Variants in CASP9 observed in about 807,000 individuals in gnomAD.
CASP9 encodes caspase-9.
A neutral mutation model predicts 43.5 loss-of-function variants in CASP9; 29 were observed. The observed-to-expected ratio is 0.67, with a 90% confidence interval of 0.50 to 0.91. The LOEUF is 0.91. CASP9 is among the 40% of genes least tolerant of loss of function. The pLI, the probability that CASP9 is intolerant of heterozygous loss-of-function variation, is 0.00. For synonymous variants in CASP9, 206 were observed against 211.9 expected (o/e 0.97, Z 0.24); for missense variants, 575 against 537.4 (o/e 1.07, Z -0.69).
chr1:15,493,388 G>C, intron 8 of CASP9: 1 of 1,230,334 alleles, frequency 8.1e-7, no homozygotes, highest in South Asian at 2.5e-5. Context: ...ACCCTCAGAG[G>C]AAGCAACTGC....
chr1:15,502,099 C>G (rs4646070), intron 6 of CASP9, among the ~76,000 whole-genome samples: 7,091 of 152,254 alleles, frequency 0.047, 290 homozygotes, highest in African/African-American at 0.11. Context: ...GAGACGCAAC[C>G]AGACTGTGGG....
At chr1:15,494,571 A>G (rs1224569538) in intron 7 of CASP9, among the ~76,000 whole-genome samples, 1 of 151,406 alleles carries the variant, frequency 6.6e-6, no homozygotes, top group Non-Finnish European at 1.5e-5. Flanking sequence ...TCTCAAAAAA[A>G]AAAAAAAAAA....
At chr1:15,517,383 T>C (rs993190676) in intron 2 of CASP9, among the ~76,000 whole-genome samples, 3 of 152,088 alleles carry the variant, frequency 2.0e-5, no homozygotes, top group African/African-American at 7.2e-5. Context: ...AAGGGATCTC[T>C]GGCGATAGAG....
intron 6 of CASP9, among the ~76,000 whole-genome samples, chr1:15,499,825 A>G (rs1709252835): frequency 6.6e-6 from 1 of 152,246 alleles, no homozygotes. Context: ...AGATGCAAAA[A>G]TGAGATGGCT....
chr1:15,505,938 T>C (rs969733406), intron 5 of CASP9, 52 bp downstream of exon 5: 16 of 1,425,332 alleles, frequency 1.1e-5, no homozygotes, highest in Admixed American at 3.3e-5. Flanking sequence ...CACAGCCTCT[T>C]GGCACGGCCA....
Position 15,492,824 on chromosome 1 carries a change from A to G in CASP9, c.*119T>C. 1 of 1,381,664 alleles carries G rather than the reference A, an allele frequency of 7.2e-7. No homozygotes were observed. Among genetic ancestry groups the G allele is most frequent in the Non-Finnish European group, 9.8e-7 (1 of 1,017,614 alleles). The allele number at this position is 1,381,664 out of a possible 1,614,324, so 85.6% of individuals were successfully genotyped here. On this transcript the variant is annotated 3_prime_UTR_variant, in exon 9 of 9. Transcript: ENST00000333868. ...TGTCTGTCACTGGCAGAGAAAGAGC[A>G]GACCCTGTGCCGGCTGCAAAGTCCT...
intron 8 of CASP9, chr1:15,493,516 G>T: frequency 7.4e-7 from 1 of 1,351,574 alleles, no homozygotes; most frequent in Non-Finnish European, 9.5e-7. Context: ...AATTCTTGAG[G>T]GTCAAGAGTA....
In CASP9 at chr1:15,518,093, A is replaced by T. The variant is rs1427985374; in HGVS notation, c.418+17T>A. 2.5e-6 allele frequency: 4 copies of T among 1,610,504 alleles called. No homozygotes were observed. Among genetic ancestry groups the T allele is most frequent in the Non-Finnish European group, 3.4e-6 (4 of 1,177,566 alleles). ...TACGTGTCATGCCCACCCACCAATC[A>T]CTCTCTTGCTACTTACCGACATCAC... is the stretch of plus-strand genomic sequence containing the variant. On this transcript the variant is annotated intron_variant, in intron 2 of 8. Coordinates refer to ENST00000333868, the MANE Select transcript of CASP9 (RefSeq NM_001229.5).
At chr1:15,495,252 G>A (rs752060090) in intron 7 of CASP9, 21 bp downstream of exon 7, 24 of 1,600,382 alleles carry the variant, frequency 1.5e-5, no homozygotes, top group Middle Eastern at 1.7e-4. Context: ...CTGCGAGGAC[G>A]AGCCCTTCTG....
At chr1:15,495,753 A>G (rs922885069) in intron 6 of CASP9, among the ~76,000 whole-genome samples, 1 of 152,192 alleles carries the variant, frequency 6.6e-6, no homozygotes, top group African/African-American at 2.4e-5. Context: ...AAAATTCACC[A>G]CGGCAATGTA....
At chr1:15,507,522 C>T (rs956545707) in intron 3 of CASP9, among the ~76,000 whole-genome samples, 1 of 152,218 alleles carries the variant, frequency 6.6e-6, no homozygotes, top group African/African-American at 2.4e-5. Context: ...ACTTCTCTCT[C>T]GCCTAACTGA....
chr1:15,513,078 G>A (rs750967984), intron 2 of CASP9, among the ~76,000 whole-genome samples: 2 of 151,372 alleles, frequency 1.3e-5, no homozygotes, highest in South Asian at 2.1e-4. Flanking sequence ...AGAGAATGGC[G>A]TGAACCCAGG....
In CASP9 at chr1:15,493,968, G is replaced by C. The variant is rs1451619871; in HGVS notation, c.1082C>G (p.Ser361Cys). ...GTCGTCCAGGGTCTCAACGTACCAG[G>C]AGCCACTCTTGGGGTCCCTCCAGGA... is the stretch of plus-strand genomic sequence containing the variant. ...FVSWRDPKSG[S>C]WYVETLDDIF... is the part of the protein sequence containing the mutation. The change falls in exon 8 of 9, where the codon TCC becomes TGC. Residue 361 changes from serine to cysteine, a missense_variant. Coordinates refer to ENST00000333868, the MANE Select transcript of CASP9 (RefSeq NM_001229.5). 1.2e-6 allele frequency: 2 copies of C among 1,602,256 alleles called. No individual in the cohort carries two copies. The highest frequency in any genetic ancestry group is 1.7e-6 in the Non-Finnish European group (2 of 1,174,058).
At chr1:15,519,545 G>A (rs542950022) in intron 1 of CASP9, among the ~76,000 whole-genome samples, 1 of 152,158 alleles carries the variant, frequency 6.6e-6, no homozygotes, top group Non-Finnish European at 1.5e-5. Flanking sequence ...TCATCCAGGG[G>A]TCAGGGTGAA....
intron 4 of CASP9, 42 bp from the exon 5 acceptor site, chr1:15,506,121 T>G: frequency 7.5e-7 from 1 of 1,339,266 alleles, no homozygotes; most frequent in African/African-American, 1.4e-5. Flanking sequence ...CACGGATAGG[T>G]CTAGATGCAG....
intron 6 of CASP9, among the ~76,000 whole-genome samples, chr1:15,496,645 C>A (rs1290503647): frequency 1.3e-5 from 2 of 152,144 alleles, no homozygotes; most frequent in Non-Finnish European, 2.9e-5. Context: ...AAAATGGTTC[C>A]ATTGACAATA....
upstream of CASP9, chr1:15,524,374 C>T: frequency 1.5e-6 from 2 of 1,377,432 alleles, no homozygotes; most frequent in Non-Finnish European, 1.9e-6. Context: ...GCCCCGCCCC[C>T]AGGAGTCGCT....
intron 2 of CASP9, among the ~76,000 whole-genome samples, chr1:15,509,460 C>CAAAAAAAAAAAAAA (rs563284288): frequency 5.7e-5 from 6 of 105,664 alleles, no homozygotes; most frequent in Admixed American, 1.1e-4. Context: ...ACTAAAAATA[C>CAAAAAAAAAAAAAA]AAAAAAAAAA....
intron 6 of CASP9, among the ~76,000 whole-genome samples, chr1:15,498,536 C>CT (rs1557536814): frequency 6.6e-6 from 1 of 151,924 alleles, no homozygotes; most frequent in African/African-American, 2.4e-5. Flanking sequence ...TAAAACTTGT[C>CT]TTTTTTTAGA....
Sources: allele counts gnomAD v4.1 joint callset (sites outside exome capture counted in the v4.1 genomes callset), GRCh38; gene constraint gnomAD v4.1.1; transcripts MANE v1.5; gene names NCBI Gene and HGNC (gene_info 2026-07-23, HGNC 2026-07-21).